The following SYTL2 variants were observed in gnomAD, a reference collection of about 807,000 sequenced individuals.
SYTL2 encodes the protein synaptotagmin-like protein 2.
A neutral mutation model predicts 198.7 loss-of-function variants in SYTL2; 165 were observed. The observed-to-expected ratio is 0.83, with a 90% CI of 0.73 to 0.94. SYTL2 has a LOEUF of 0.94. SYTL2 is among the 40% of genes least tolerant of loss of function. The probability of loss-of-function intolerance (pLI) is 0.00; values close to 1 mark genes in which losing one functional copy is unlikely to be tolerated. For synonymous variants in SYTL2, 966 were observed against 917.7 expected (o/e 1.05, Z -0.95); for missense variants, 2,835 against 2,582.8 (o/e 1.10, Z -2.12).
chr11:85,818,700 T>C, the SYTL2 span, among the ~76,000 whole-genome samples: 5 of 139,398 alleles, frequency 3.6e-5, no homozygotes, highest in African/African-American at 1.3e-4. Flanking sequence ...TACCTATCTA[T>C]TTATTTATTT....
At chr11:85,785,696 T>C (rs2092625430) in intron 1 of SYTL2, among the ~76,000 whole-genome samples, 1 of 152,170 alleles carries the variant, frequency 6.6e-6, no homozygotes, top group African/African-American at 2.4e-5. Flanking sequence ...TAAATGAGGC[T>C]CATGGTCTGG....
intron 1 of SYTL2, among the ~76,000 whole-genome samples, chr11:85,785,106 T>C (rs528014120): frequency 6.6e-6 from 1 of 152,222 alleles, no homozygotes; most frequent in South Asian, 2.1e-4. Flanking sequence ...GCCACACCCA[T>C]TCCACATGGA....
chr11:85,727,531 C>G lies in SYTL2; in HGVS notation c.1827G>C (p.Val609=). ...AATTCATGAATTTGGATTTGATATT[C>G]ACATTATTATCTTGGCAACTTTCAG... The part of the protein sequence containing the change: ...LVSESCQDNN[V]NIKSKFMNLS... The change falls in exon 8 of 20, where the codon GTG becomes GTC. Residue 609 remains valine, a synonymous_variant. Coordinates refer to ENST00000359152, the MANE Select transcript of SYTL2 (RefSeq NM_206927.4). 1 of 1,536,062 alleles carries G rather than the reference C, an allele frequency of 6.5e-7. No homozygotes were observed.
intron 17 of SYTL2, among the ~76,000 whole-genome samples, chr11:85,699,026 T>C (rs1472553108): frequency 6.6e-6 from 1 of 152,218 alleles, no homozygotes; most frequent in Admixed American, 6.5e-5. Context: ...CAGTACTTAG[T>C]GAGGATCTAT....
At chr11:85,732,290 C>T (rs1028937440) in intron 7 of SYTL2, among the ~76,000 whole-genome samples, 1 of 152,188 alleles carries the variant, frequency 6.6e-6, no homozygotes, top group African/African-American at 2.4e-5. Context: ...GACACATGCA[C>T]ACGTGTGTTT....
At chr11:85,840,791 C>T in the SYTL2 span, among the ~76,000 whole-genome samples, 1 of 152,106 alleles carries the variant, frequency 6.6e-6, no homozygotes, top group East Asian at 1.9e-4. Context: ...CAATACCATT[C>T]TGGACATAGG....
At chr11:85,721,896 T>C (rs1310223218) in intron 8 of SYTL2, among the ~76,000 whole-genome samples, 2 of 152,134 alleles carry the variant, frequency 1.3e-5, no homozygotes, top group Non-Finnish European at 2.9e-5. Flanking sequence ...AGTATTTGAC[T>C]ACTGAACCTT....
At position 85,724,713 on chromosome 11, in the gene SYTL2, C is replaced by G; in HGVS notation, c.4645G>C (p.Glu1549Gln). The G allele has an allele frequency of 1.2e-6, 2 of 1,614,072 alleles. No individual in the cohort carries two copies. The highest frequency in any genetic ancestry group is 1.7e-6 in the Non-Finnish European group (2 of 1,179,988). Residue 1549 changes from glutamate (E) to glutamine (Q), a missense_variant, in exon 8 of 20, where the codon GAA becomes CAA. Physicochemically the swap from Glu to Gln is conservative, Grantham distance 29 (BLOSUM62 2). This residue lies in a region of SYTL2 where 2,645 missense variants were observed against 2,381.7 expected (regional missense o/e 1.11). Transcript: ENST00000359152. ...TSECHPEELK[E>Q]TVEKAEAPLI... ...GGAGCCTCGGCCTTTTCTACTGTTT[C>G]TTTTAATTCCTCAGGATGGCATTCA... is the stretch of plus-strand genomic sequence containing the variant.
chr11:85,734,161 G>C lies in SYTL2; in HGVS notation c.1168C>G (p.Pro390Ala), dbSNP rs1057397538. ...GAGGTTGATTGATGAAAAAGCGAAGGCTTTCTGTATTGAGAAGGCTTAGGG... is the reference window on the plus strand; with the variant it reads ...GAGGTTGATTGATGAAAAAGCGAAGCCTTTCTGTATTGAGAAGGCTTAGGG... ...SDPKPSQYRK[P>A]SLFHQSTSSP... The change falls in exon 7 of 20, where the codon CCT (proline) becomes GCT (alanine). Residue 390 changes from proline (P) to alanine (A), a missense_variant. Coordinates refer to ENST00000359152, the MANE Select transcript of SYTL2 (RefSeq NM_206927.4). 1.2e-6 allele frequency: 2 copies of C among 1,614,016 alleles called. No individual in the cohort carries two copies. The highest frequency in any genetic ancestry group is 1.3e-5 in the African/African-American group (1 of 74,920).
intron 1 of SYTL2, among the ~76,000 whole-genome samples, chr11:85,786,052 C>T (rs991868263): frequency 2.6e-5 from 4 of 152,052 alleles, no homozygotes; most frequent in Non-Finnish European, 4.4e-5. Flanking sequence ...ACATCCATAC[C>T]GTGGGATACT....
chr11:85,742,624 G>A (rs542771968), intron 4 of SYTL2, among the ~76,000 whole-genome samples: 6 of 152,288 alleles, frequency 3.9e-5, no homozygotes, highest in Non-Finnish European at 4.4e-5. Flanking sequence ...AAACATGATC[G>A]ACGGGCTTAT....
chr11:85,789,875 T>C (rs1439307960), intron 1 of SYTL2, among the ~76,000 whole-genome samples: 1 of 152,156 alleles, frequency 6.6e-6, no homozygotes, highest in Non-Finnish European at 1.5e-5. Context: ...TAAGAATGTA[T>C]ACAGTATAGA....
At chr11:85,747,823 T>G (rs1459550779) in intron 3 of SYTL2, among the ~76,000 whole-genome samples, 2 of 152,106 alleles carry the variant, frequency 1.3e-5, no homozygotes. Context: ...AACAAGAAGG[T>G]TTTTCCATTA....
chr11:85,698,524 T>C (rs1403267830), intron 17 of SYTL2, among the ~76,000 whole-genome samples: 2 of 152,184 alleles, frequency 1.3e-5, no homozygotes, highest in Non-Finnish European at 2.9e-5. Flanking sequence ...TAAGGTATAG[T>C]CATTTTTAAG....
intron 1 of SYTL2, among the ~76,000 whole-genome samples, chr11:85,802,180 G>A (rs528926116): frequency 6.9e-5 from 10 of 145,472 alleles, no homozygotes; most frequent in African/African-American, 1.8e-4. Context: ...ATCCTTCAAC[G>A]TTTCCTCCCC....
intron 1 of SYTL2, among the ~76,000 whole-genome samples, chr11:85,764,950 G>A (rs115914550): frequency 2.5e-3 from 375 of 152,270 alleles, no homozygotes; most frequent in African/African-American, 8.2e-3. Context: ...GTGTTTATAC[G>A]AAAAGCAAAC....
intron 1 of SYTL2, among the ~76,000 whole-genome samples, chr11:85,804,919 G>A (rs2092938106): frequency 6.6e-6 from 1 of 152,190 alleles, no homozygotes; most frequent in Non-Finnish European, 1.5e-5. Flanking sequence ...AGTAGCACCA[G>A]AAAGGAATGA....
the SYTL2 span, among the ~76,000 whole-genome samples, chr11:85,834,572 C>T: frequency 7.2e-5 from 11 of 152,044 alleles, no homozygotes; most frequent in East Asian, 5.8e-4. Flanking sequence ...AATACACCTT[C>T]GGTAGAAACT....
chr11:85,853,508 G>C, the SYTL2 span: 1 of 263,648 alleles, frequency 3.8e-6, no homozygotes, highest in African/African-American at 2.4e-5. Flanking sequence ...CAAGTACCCA[G>C]GGACACAAAC....
Sources: gnomAD v4.1 joint callset for allele counts (sites outside exome capture counted in the v4.1 genomes callset) on GRCh38, gnomAD v4.1.1 for gene constraint, gnomAD v4.1.1 regional missense constraint, MANE v1.5 for transcripts, NCBI Gene and HGNC (gene_info 2026-07-23, HGNC 2026-07-21) for gene names.